EIF4G3: variants seen among roughly 807,000 people sequenced by gnomAD.
EIF4G3 encodes eIF-4-gamma 3.
EIF4G3 carries 34 observed loss-of-function variants against 186.4 expected under a neutral mutation model. The observed-to-expected ratio is 0.18, with a 90% CI of 0.14 to 0.24. The LOEUF (loss-of-function observed/expected upper bound fraction) is 0.24. Among genes scored for constraint, EIF4G3 ranks in the 10% least tolerant of loss-of-function variants. The pLI is 1.00. For synonymous variants in EIF4G3, 673 were observed against 679.5 expected, an observed-to-expected ratio of 0.99 and a Z score of 0.15; for missense variants, 1,536 against 1,948.5, an observed-to-expected ratio of 0.79 and a Z score of 3.99.
chr1:20,914,107 C>CT (rs796225828), intron 14 of EIF4G3, among the ~76,000 whole-genome samples: 253 of 145,302 alleles, frequency 1.7e-3, no homozygotes, highest in African/African-American at 4.3e-3. Flanking sequence ...CACGCCCTGC[C>CT]TTTTTTTTTT....
chr1:20,981,514 T>C (rs971336126), intron 8 of EIF4G3, among the ~76,000 whole-genome samples: 5 of 134,602 alleles, frequency 3.7e-5, no homozygotes, highest in East Asian at 2.0e-4. Context: ...ACATACTGTA[T>C]ATATACATAC....
intron 7 of EIF4G3, 174 bp from the exon 8 acceptor site, chr1:20,982,582 G>A: frequency 5.6e-6 from 3 of 535,590 alleles, no homozygotes; most frequent in Admixed American, 7.8e-5. Flanking sequence ...TTCTTCACTT[G>A]AGAATTTAAC....
chr1:20,940,076 G>A (rs1439383881), intron 14 of EIF4G3, among the ~76,000 whole-genome samples: 6 of 151,662 alleles, frequency 4.0e-5, no homozygotes, highest in Non-Finnish European at 8.8e-5. Flanking sequence ...GGCTGGTCTC[G>A]AACTCCTGAG....
chr1:20,903,168 T>C (rs1367829357), intron 15 of EIF4G3, among the ~76,000 whole-genome samples: 2 of 152,228 alleles, frequency 1.3e-5, no homozygotes, highest in East Asian at 3.8e-4. Context: ...AAATTCACAT[T>C]TCAATGTCCA....
At chr1:20,808,014 C>T (rs1570748180) in intron 36 of EIF4G3, among the ~76,000 whole-genome samples, 1 of 151,670 alleles carries the variant, frequency 6.6e-6, no homozygotes, top group Non-Finnish European at 1.5e-5. Context: ...CTCCCAAGTA[C>T]CTGGGATTAC....
At chr1:20,849,181 G>T (rs1447419495) in intron 29 of EIF4G3, among the ~76,000 whole-genome samples, 2 of 151,780 alleles carry the variant, frequency 1.3e-5, no homozygotes, top group Non-Finnish European at 2.9e-5. Context: ...AGTGGGGATG[G>T]ATTGGTACTC....
At chr1:20,941,397 T>C in intron 14 of EIF4G3, 94 bp downstream of exon 14, 1 of 1,611,396 alleles carries the variant, frequency 6.2e-7, no homozygotes, top group East Asian at 2.2e-5. Context: ...TCGATGTTTC[T>C]GGAAGTCAAG....
chr1:20,999,504 T>C (rs2083027281), intron 6 of EIF4G3: 1 of 323,882 alleles, frequency 3.1e-6, no homozygotes, highest in South Asian at 2.6e-5. Flanking sequence ...GTCTTATCAC[T>C]GTTCCACAGA....
In EIF4G3 at chr1:20,933,666, A is replaced by G. The variant is rs900992980; in HGVS notation, c.1663+7825T>C. On this transcript the variant is annotated intron_variant, in intron 14 of 36. Coordinates refer to ENST00000602326, the MANE Select transcript of EIF4G3 (RefSeq NM_001391906.1). ...GTGAGACTCTATCTTGTGGGGGGAA[A>G]AACAAAAACAAAAACAGGGCACCTT... is the stretch of plus-strand genomic sequence containing the variant. 5.3e-5 allele frequency among the ~76,000 whole-genome samples: 8 copies of G among 152,216 alleles called. No homozygotes were observed. In the East Asian group the frequency reaches 1.4e-3, roughly 26 times the overall value.
At chr1:20,823,988 T>C (rs1400869626) in intron 33 of EIF4G3, among the ~76,000 whole-genome samples, 1 of 152,228 alleles carries the variant, frequency 6.6e-6, no homozygotes, top group Admixed American at 6.5e-5. Flanking sequence ...GCCAAGGTAA[T>C]ACTGAACTGG....
chr1:20,881,816 A>C (rs1444610436), intron 19 of EIF4G3, among the ~76,000 whole-genome samples: 1 of 151,552 alleles, frequency 6.6e-6, no homozygotes, highest in African/African-American at 2.4e-5. Flanking sequence ...AAATAAAATA[A>C]AATAAAATAA....
chr1:21,121,321 T>C (rs1000362650), intron 2 of EIF4G3, among the ~76,000 whole-genome samples: 4 of 152,338 alleles, frequency 2.6e-5, no homozygotes, highest in African/African-American at 9.6e-5. Context: ...TCCTATATTA[T>C]TTCAAACACA....
intron 2 of EIF4G3, among the ~76,000 whole-genome samples, chr1:21,133,575 A>C (rs1231540751): frequency 6.6e-6 from 1 of 152,156 alleles, no homozygotes. Context: ...TTGGAGTCCC[A>C]CTGGCTCCCT....
chr1:21,018,547 T>C (rs1471758384), intron 4 of EIF4G3, among the ~76,000 whole-genome samples: 1 of 150,438 alleles, frequency 6.6e-6, no homozygotes, highest in Non-Finnish European at 1.5e-5. Context: ...GCAACAGAGC[T>C]AGACTCCTTC....
rs148933462 is a variant in EIF4G3 at position 21,167,302 on chromosome 1, C to T, written c.-272+8873G>A. ...GTTCCCACACTTCAATCCTCTTTCC[C>T]TCATCCCGCATGAATCCCTGTGGTC... is the stretch of plus-strand genomic sequence containing the variant. On this transcript the variant is annotated intron_variant, in intron 2 of 36. Coordinates refer to ENST00000602326, the MANE Select transcript of EIF4G3 (RefSeq NM_001391906.1). Among the ~76,000 whole-genome samples the T allele has an allele frequency of 2.0e-4, 30 of 152,284 alleles. 1 individual carries two copies. In the East Asian group the frequency reaches 5.8e-3, roughly 29 times the overall value.
intron 14 of EIF4G3, among the ~76,000 whole-genome samples, chr1:20,910,833 A>G (rs1429554335): frequency 1.3e-5 from 2 of 152,244 alleles, no homozygotes; most frequent in African/African-American, 4.8e-5. Flanking sequence ...TTATACCTAC[A>G]CTTCATTTAT....
Position 21,002,764 on chromosome 1 carries a change from T to C in EIF4G3, c.-22A>G. The C allele has an allele frequency of 6.2e-7, 1 of 1,613,634 alleles. No individual in the cohort carries two copies. Among genetic ancestry groups the C allele is most frequent in the Non-Finnish European group, 8.5e-7 (1 of 1,179,686 alleles). ...TCATTGTCTGAGGGGTTTGAGGGTA[T>C]ACCAGCGTGGTTGGACCTGCATTCT... On this transcript the variant is annotated 5_prime_UTR_variant, in exon 5 of 37. Coordinates refer to ENST00000602326, the MANE Select transcript of EIF4G3 (RefSeq NM_001391906.1).
chr1:21,036,448 C>T (rs1281954785), intron 4 of EIF4G3, among the ~76,000 whole-genome samples: 1 of 152,182 alleles, frequency 6.6e-6, no homozygotes, highest in African/African-American at 2.4e-5. Context: ...CCCCAAAGAT[C>T]CCGTAATGTT....
At chr1:20,851,795 A>G (rs944157375) in intron 27 of EIF4G3, among the ~76,000 whole-genome samples, 1 of 152,066 alleles carries the variant, frequency 6.6e-6, no homozygotes, top group African/African-American at 2.4e-5. Flanking sequence ...AGCAGGGCAG[A>G]TTACTTGAGG....
Sources: allele counts gnomAD v4.1 joint callset (sites outside exome capture counted in the v4.1 genomes callset), GRCh38; gene constraint gnomAD v4.1.1; transcripts MANE v1.5; gene names NCBI Gene and HGNC (gene_info 2026-07-23, HGNC 2026-07-21).